The following ADAMTSL3 variants were observed in gnomAD, a reference collection of about 807,000 sequenced individuals.
ADAMTSL3 encodes the protein ADAMTS-like protein 3.
A neutral mutation model predicts 201.7 loss-of-function variants in ADAMTSL3; 128 were observed. That is an observed-to-expected ratio of 0.63 (90% CI 0.55 to 0.73). ADAMTSL3 has a LOEUF of 0.73. Among genes scored for constraint, ADAMTSL3 ranks in the 30% least tolerant of loss-of-function variants. ADAMTSL3 has a pLI of 0.00. For missense variants in ADAMTSL3, 1,990 were observed against 2,119.6 expected (o/e 0.94, Z 1.20); for synonymous variants, 738 against 748.4 (o/e 0.99, Z 0.23).
Position 83,775,319 on chromosome 15 carries a change from G to A in ADAMTSL3, c.317+1669G>A, listed in dbSNP as rs531737106. ...TTAGTGGTAGGGTTAGAGTGGGAAA[G>A]GTGTGGGATTTATTTGCATTGGTCT... On this transcript the variant is annotated intron_variant, in intron 4 of 29. Coordinates refer to ENST00000286744, the MANE Select transcript of ADAMTSL3 (RefSeq NM_207517.3). Among the ~76,000 whole-genome samples, 3 of 152,076 alleles carry A rather than the reference G, an allele frequency of 2.0e-5. No individual in the cohort carries two copies. In the South Asian group the frequency reaches 6.2e-4, roughly 32 times the overall value.
chr15:84,016,288 C>G (rs1489864211), intron 24 of ADAMTSL3, 95 bp from the exon 25 acceptor site: 2 of 894,604 alleles, frequency 2.2e-6, no homozygotes, highest in Non-Finnish European at 3.5e-6. Flanking sequence ...TTATAGAGGA[C>G]TCATTTTCTA....
Position 83,891,360 on chromosome 15 carries a change from C to A in ADAMTSL3, c.1243C>A (p.His415Asn), listed in dbSNP as rs150330504. 109 of 1,612,652 alleles carry A rather than the reference C, an allele frequency of 6.8e-5. No homozygotes were observed. The highest frequency in any genetic ancestry group is 8.1e-5 in the Non-Finnish European group (96 of 1,178,990). Residue 415 changes from histidine to asparagine, a missense_variant, in exon 12 of 30, where the codon CAC becomes AAC. His to Asn is a moderately conservative substitution (Grantham distance 68). Transcript: ENST00000286744. The stretch of plus-strand genomic sequence containing the variant: ...ATTTAAAGAGATAATGCCCTATGAC[C>A]ACTTCCAACCTCTTCCTCGGTGAGT... ...DGFKEIMPYD[H>N]FQPLPRWEHN... is the part of the protein sequence containing the mutation.
chr15:83,748,686 A>G (rs12910634), intron 3 of ADAMTSL3, among the ~76,000 whole-genome samples: 2 of 150,060 alleles, frequency 1.3e-5, no homozygotes, highest in African/African-American at 2.4e-5. Flanking sequence ...CACACACACA[A>G]AGAAGCAAGG....
chr15:83,715,763 C>G (rs951931972), intron 3 of ADAMTSL3, among the ~76,000 whole-genome samples: 1 of 152,140 alleles, frequency 6.6e-6, no homozygotes, highest in Non-Finnish European at 1.5e-5. Flanking sequence ...ACAGCTTGGC[C>G]CCAGGTTACC....
At chr15:83,663,297 G>A (rs550342385) in intron 2 of ADAMTSL3, among the ~76,000 whole-genome samples, 1 of 152,188 alleles carries the variant, frequency 6.6e-6, no homozygotes, top group South Asian at 2.1e-4. Context: ...CCTTGCAGCC[G>A]CCCCCAATCT....
chr15:83,694,866 T>C (rs1356607119), intron 2 of ADAMTSL3, among the ~76,000 whole-genome samples: 1 of 152,174 alleles, frequency 6.6e-6, no homozygotes, highest in African/African-American at 2.4e-5. Context: ...TGCTGAGCAC[T>C]AAAGAACGTT....
intron 4 of ADAMTSL3, among the ~76,000 whole-genome samples, chr15:83,800,591 C>G: frequency 6.6e-6 from 1 of 152,138 alleles, no homozygotes; most frequent in East Asian, 1.9e-4. Flanking sequence ...TAAGCAACTA[C>G]TAAAAATGCA....
At chr15:83,837,584 C>A (rs1334363095) in intron 6 of ADAMTSL3, among the ~76,000 whole-genome samples, 2 of 151,892 alleles carry the variant, frequency 1.3e-5, no homozygotes, top group East Asian at 3.9e-4. Flanking sequence ...AATTCAAGAC[C>A]AGCCTGGGCA....
chr15:83,773,865 A>T (rs1050307829), intron 4 of ADAMTSL3, among the ~76,000 whole-genome samples: 3 of 152,198 alleles, frequency 2.0e-5, no homozygotes, highest in African/African-American at 7.2e-5. Flanking sequence ...ACCCAGGAGC[A>T]CTGGACACTT....
intron 20 of ADAMTSL3, among the ~76,000 whole-genome samples, chr15:83,980,525 C>G (rs1052898468): frequency 6.6e-6 from 1 of 152,102 alleles, no homozygotes; most frequent in African/African-American, 2.4e-5. Flanking sequence ...CATGGCTTAA[C>G]TGGCTGGGCC....
intron 2 of ADAMTSL3, among the ~76,000 whole-genome samples, chr15:83,661,573 GCTCT>G (rs1356952166): frequency 6.6e-6 from 1 of 151,916 alleles, no homozygotes; most frequent in Non-Finnish European, 1.5e-5. Context: ...TCATGATTTG[GCTCT>G]CTGTTTGTCT....
At chr15:83,704,068 A>G (rs1000507075) in intron 2 of ADAMTSL3, among the ~76,000 whole-genome samples, 1 of 152,068 alleles carries the variant, frequency 6.6e-6, no homozygotes, top group Admixed American at 6.6e-5. Flanking sequence ...ATTTGCAACA[A>G]CAAGACAAAG....
At chr15:83,758,538 A>C (rs2062756330) in intron 3 of ADAMTSL3, among the ~76,000 whole-genome samples, 1 of 152,202 alleles carries the variant, frequency 6.6e-6, no homozygotes, top group Non-Finnish European at 1.5e-5. Context: ...ACTAACAGTT[A>C]ACTTTTTTCC....
chr15:83,667,094 T>C (rs1178810349), intron 2 of ADAMTSL3, among the ~76,000 whole-genome samples: 9 of 152,138 alleles, frequency 5.9e-5, no homozygotes, highest in Admixed American at 5.9e-4. Flanking sequence ...CTCTCTACTT[T>C]TGTCATGCTT....
chr15:83,841,710 G>A (rs2064377811), intron 7 of ADAMTSL3, among the ~76,000 whole-genome samples: 1 of 152,000 alleles, frequency 6.6e-6, no homozygotes, highest in African/African-American at 2.4e-5. Context: ...CTCCGCCCTT[G>A]GGCCTGTGCC....
chr15:83,979,222 C>T (rs1435006458), intron 20 of ADAMTSL3, among the ~76,000 whole-genome samples: 1 of 151,960 alleles, frequency 6.6e-6, no homozygotes, highest in Non-Finnish European at 1.5e-5. Flanking sequence ...TTGAAACAAT[C>T]GATCTCCACA....
chr15:83,957,345 T>C (rs1221101787), intron 19 of ADAMTSL3, among the ~76,000 whole-genome samples: 2 of 152,172 alleles, frequency 1.3e-5, no homozygotes, highest in African/African-American at 4.8e-5. Context: ...CTACAGTCAT[T>C]GAGAGCATGT....
chr15:83,883,773 C>T (rs1424096034), intron 9 of ADAMTSL3, among the ~76,000 whole-genome samples: 2 of 151,614 alleles, frequency 1.3e-5, no homozygotes, highest in Non-Finnish European at 2.9e-5. Flanking sequence ...GCTATGTTGA[C>T]CAGACTGATT....
At chr15:83,898,068 T>C in intron 14 of ADAMTSL3, 63 bp downstream of exon 14, 3 of 1,509,514 alleles carry the variant, frequency 2.0e-6, no homozygotes, top group Non-Finnish European at 2.7e-6. Context: ...ATTCCAATAT[T>C]GTAGCATTTC....
Sources: gnomAD v4.1 joint callset for allele counts (sites outside exome capture counted in the v4.1 genomes callset) on GRCh38, gnomAD v4.1.1 for gene constraint, MANE v1.5 for transcripts, NCBI Gene and HGNC (gene_info 2026-07-23, HGNC 2026-07-21) for gene names.